WDR3: variants seen among roughly 807,000 people sequenced by gnomAD.
WDR3 encodes the protein WD repeat-containing protein 3.
WDR3 carries 81 observed loss-of-function variants against 123.7 expected under a neutral mutation model. The ratio of observed to expected loss-of-function variants is 0.65; its 90% CI spans 0.55 to 0.79. The LOEUF (loss-of-function observed/expected upper bound fraction) is 0.79, where lower values mean the gene tolerates loss of function less well. Ranked by LOEUF, WDR3 falls within the 30% of genes least tolerant of loss-of-function variation. WDR3 has a pLI of 0.00. For synonymous variants in WDR3, 390 were observed against 388.8 expected (o/e 1.00, Z -0.04); for missense variants, 1,027 against 1,123.2 (o/e 0.91, Z 1.22).
At position 117,966,441 on chromosome 1, in the gene WDR3, G is replaced by T. The variant is rs1653857652; in HGVS notation, c.*6994G>T. The T allele has an allele frequency of 1.7e-6, 1 of 584,982 alleles. No individual in the cohort carries two copies. The allele number at this position is 584,982 out of a possible 1,614,324, so 36.2% of individuals were successfully genotyped here. A position where few individuals can be genotyped will look rare whatever the true frequency, so the allele number is the denominator to read the frequency against. ...TGTGTCAGGTATTTTTTTAGATTTG[G>T]CTAGGTGCTTTCAAAGATGAATGAA... On this transcript the variant is annotated 3_prime_UTR_variant, in exon 27 of 27. Transcript: ENST00000349139.
At chr1:117,946,516 A>G (rs945250576) in intron 12 of WDR3, among the ~76,000 whole-genome samples, 2 of 152,204 alleles carry the variant, frequency 1.3e-5, no homozygotes, top group African/African-American at 4.8e-5. Context: ...ACCTAATATC[A>G]TGCTTGGCAG....
At chr1:117,944,969 AG>A (rs1238073756) in intron 11 of WDR3, among the ~76,000 whole-genome samples, 2 of 152,238 alleles carry the variant, frequency 1.3e-5, no homozygotes, top group Non-Finnish European at 2.9e-5. Context: ...CTGGGATTAC[AG>A]GCATGAGCCA....
chr1:117,942,136 C>T (rs1438285845), intron 9 of WDR3, among the ~76,000 whole-genome samples: 1 of 152,126 alleles, frequency 6.6e-6, no homozygotes, highest in Non-Finnish European at 1.5e-5. Context: ...TAACCGGAGA[C>T]ATTTCAGTGG....
At chr1:117,950,769 C>G in intron 15 of WDR3, 65 bp from the exon 16 acceptor site, 1 of 1,328,704 alleles carries the variant, frequency 7.5e-7, no homozygotes, top group East Asian at 2.3e-5. Context: ...TATTTTAGAC[C>G]TACATGTAAT....
At chr1:117,937,285 C>T (rs1429852485) in intron 4 of WDR3, among the ~76,000 whole-genome samples, 1 of 152,052 alleles carries the variant, frequency 6.6e-6, no homozygotes, top group Non-Finnish European at 1.5e-5. Context: ...ACTTCATAGG[C>T]CTTCTGAACA....
At chr1:117,957,610 C>T (rs1049608923) in intron 25 of WDR3, among the ~76,000 whole-genome samples, 9 of 152,170 alleles carry the variant, frequency 5.9e-5, no homozygotes, top group South Asian at 2.1e-4. Flanking sequence ...CTGTGGCCCG[C>T]AGGCCACATG....
At chr1:117,942,008 G>A (rs757372941) in intron 9 of WDR3, among the ~76,000 whole-genome samples, 161 bp downstream of exon 9, 1 of 152,172 alleles carries the variant, frequency 6.6e-6, no homozygotes, top group Non-Finnish European at 1.5e-5. Flanking sequence ...AAGTCTCAGA[G>A]AGACAGAAAA....
At chr1:117,931,280 T>G (rs773412611) in intron 1 of WDR3, among the ~76,000 whole-genome samples, 1 of 152,240 alleles carries the variant, frequency 6.6e-6, no homozygotes, top group Non-Finnish European at 1.5e-5. Flanking sequence ...CTTTTCTAAG[T>G]GCTTTGCATA....
rs79536643 is a variant in WDR3 at position 117,931,616 on chromosome 1, G to A, written c.-32-1672G>A. 6.8e-3 allele frequency among the ~76,000 whole-genome samples: 1,035 copies of A among 152,278 alleles called. 9 individuals carry two copies. Among genetic ancestry groups the A allele is most frequent in the African/African-American group, 0.023 (971 of 41,548 alleles). On this transcript the variant is annotated intron_variant, in intron 1 of 26. Transcript: ENST00000349139. ...ATGTAGGTGGAAAGGACTGGAAATA[G>A]ACAGATGGGAGTCCCTGGACCTAGG...
At chr1:117,942,375 A>G (rs1364662260) in intron 9 of WDR3, 62 bp from the exon 10 acceptor site, 7 of 1,467,662 alleles carry the variant, frequency 4.8e-6, no homozygotes, top group South Asian at 4.7e-5. Flanking sequence ...TTTGAACTCA[A>G]GTAAGAGCAA....
chr1:117,952,708 CA>C, intron 19 of WDR3, 46 bp downstream of exon 19: 9 of 1,598,574 alleles, frequency 5.6e-6, no homozygotes, highest in Middle Eastern at 1.7e-4. Flanking sequence ...AGGTATCTGA[CA>C]GGCTGTCCTA....
At chr1:117,939,603 GT>G (rs1651071014) in intron 6 of WDR3, 31 bp downstream of exon 6, 4 of 1,600,736 alleles carry the variant, frequency 2.5e-6, no homozygotes, top group African/African-American at 1.3e-5. Flanking sequence ...TGGGCAATAT[GT>G]TTAGAAGTTT....
rs969817811 is a variant in WDR3, at chr1:117,966,092, T to A, written c.*6645T>A. ...AGAAATAAAATGTGAAGACTTTATT[T>A]CTGCTACAAATTATATAATACCTTT... On this transcript the variant is annotated 3_prime_UTR_variant, in exon 27 of 27. Transcript: ENST00000349139. 6.6e-6 allele frequency: 1 copy of A among 152,248 alleles called. No individual in the cohort carries two copies. Among genetic ancestry groups the A allele is most frequent in the Non-Finnish European group, 1.5e-5 (1 of 68,056 alleles). The allele number at this position is 152,248 out of a possible 1,614,324, so 9.4% of individuals were successfully genotyped here. A position where few individuals can be genotyped will look rare whatever the true frequency, so the allele number is the denominator to read the frequency against.
chr1:117,966,446 G>A lies in WDR3; in HGVS notation c.*6999G>A. ...CAGGTATTTTTTTAGATTTGGCTAG[G>A]TGCTTTCAAAGATGAATGAAGATGC... On this transcript the variant is annotated 3_prime_UTR_variant, in exon 27 of 27. Coordinates refer to ENST00000349139, the MANE Select transcript of WDR3 (RefSeq NM_006784.3). The A allele has an allele frequency of 1.6e-6, 1 of 627,876 alleles. No individual in the cohort carries two copies. Among genetic ancestry groups the A allele is most frequent in the Non-Finnish European group, 2.5e-6 (1 of 402,516 alleles). The allele number at this position is 627,876 out of a possible 1,614,324, so 38.9% of individuals were successfully genotyped here.
Position 117,959,438 on chromosome 1 carries a change from G to A in WDR3, c.2823G>A (p.Thr941=), listed in dbSNP as rs767363340. The part of the protein sequence containing the change: ...KRKKREKLIL[T]LT ...AAAAGAGGGAGAAGTTGATTCTAAC[G>A]TTGACTTAGAACTGAAATGTGGTAT... Residue 941 remains threonine (T), a synonymous_variant, in exon 27 of 27, where the codon ACG becomes ACA. Transcript: ENST00000349139. The A allele has an allele frequency of 4.3e-5, 69 of 1,609,370 alleles. No individual in the cohort carries two copies. Among genetic ancestry groups the A allele is most frequent in the South Asian group, 1.0e-4 (9 of 89,850 alleles).
intron 8 of WDR3, 42 bp from the exon 9 acceptor site, chr1:117,941,708 A>G (rs887386976): frequency 6.3e-7 from 1 of 1,585,080 alleles, no homozygotes; most frequent in Non-Finnish European, 8.5e-7. Context: ...GTAAATTACA[A>G]ATTACCTCTC....
intron 24 of WDR3, among the ~76,000 whole-genome samples, chr1:117,955,821 T>C (rs1425762221): frequency 6.6e-6 from 1 of 152,176 alleles, no homozygotes; most frequent in Non-Finnish European, 1.5e-5. Context: ...TTACTCGATA[T>C]TGCATTTGTT....
chr1:117,936,075 A>G (rs1424596393), intron 3 of WDR3, among the ~76,000 whole-genome samples: 1 of 152,000 alleles, frequency 6.6e-6, no homozygotes, highest in Non-Finnish European at 1.5e-5. Context: ...AAATATTAAG[A>G]CTGAACATTT....
chr1:117,933,436 G>A lies in WDR3; in HGVS notation c.117G>A (p.Val39=), dbSNP rs1650805634. 6.2e-7 allele frequency: 1 copy of A among 1,614,188 alleles called. No homozygotes were observed. Among genetic ancestry groups the A allele is most frequent in the East Asian group, 2.2e-5 (1 of 44,884 alleles). Residue 39 remains valine (V), a synonymous_variant, in exon 2 of 27, where the codon GTG becomes GTA. Coordinates refer to ENST00000349139, the MANE Select transcript of WDR3 (RefSeq NM_006784.3). ...TTCGTGGTGAGAAAGGACGTTATGT[G>A]GCAGTACCAGCTTGTGAACACGTTT... ...VTLRGEKGRY[V]AVPACEHVFI...
Sources: gnomAD v4.1 joint callset for allele counts (sites outside exome capture counted in the v4.1 genomes callset) on GRCh38, gnomAD v4.1.1 for gene constraint, MANE v1.5 for transcripts, NCBI Gene and HGNC (gene_info 2026-07-23, HGNC 2026-07-21) for gene names.